RC3H2: variants seen among roughly 807,000 people sequenced by gnomAD.
RC3H2 encodes the protein roquin-2.
Under a neutral mutation model 133.3 loss-of-function variants are expected in RC3H2, and 31 were observed. The observed-to-expected ratio is 0.23, with a 90% confidence interval of 0.17 to 0.31. RC3H2 has a LOEUF of 0.31. Among genes scored for constraint, RC3H2 ranks in the 10% least tolerant of loss-of-function variants. The pLI is 1.00. For missense variants in RC3H2, 1,175 were observed against 1,437.2 expected (o/e 0.82, Z 2.95); for synonymous variants, 517 against 502.2 (o/e 1.03, Z -0.40).
Position 122,883,382 on chromosome 9 carries a change from A to G in RC3H2, c.584-3T>C. ...CTTCAAGGCCTCTTCTTGCATAGCT[A>G]AAAATATTAAAGGAACATGAGTTCA... On this transcript the variant is annotated splice_region_variant and splice_polypyrimidine_tract_variant and intron_variant, in intron 4 of 20. Coordinates refer to ENST00000357244, the MANE Select transcript of RC3H2 (RefSeq NM_001100588.3). 1 of 1,589,982 alleles carries G rather than the reference A, an allele frequency of 6.3e-7. No homozygotes were observed. The highest frequency in any genetic ancestry group is 8.5e-7 in the Non-Finnish European group (1 of 1,171,822).
chr9:122,860,686 T>C (rs1050300393), intron 10 of RC3H2, among the ~76,000 whole-genome samples: 29 of 151,874 alleles, frequency 1.9e-4, no homozygotes, highest in South Asian at 1.0e-3. Context: ...AGTGCTGGCA[T>C]TACAGGCATC....
chr9:122,890,437 C>T lies in RC3H2; in HGVS notation c.458G>A (p.Arg153Gln). 1 of 1,614,156 alleles carries T rather than the reference C, an allele frequency of 6.2e-7. No homozygotes were observed. Among genetic ancestry groups the T allele is most frequent in the Non-Finnish European group, 8.5e-7 (1 of 1,180,014 alleles). ...VEEEGRVRAM[R>Q]AARSLGERTV... ...TCTTTCTCCAAGGGAACGAGCTGCTCGCATGGCTCTTACACGACCTTCTTC... is the reference window on the plus strand; with the variant it reads ...TCTTTCTCCAAGGGAACGAGCTGCTTGCATGGCTCTTACACGACCTTCTTC... Residue 153 changes from arginine (R) to glutamine (Q), a missense_variant, in exon 4 of 21, where the codon CGA (arginine) becomes CAA (glutamine). Physicochemically the swap from Arg to Gln is conservative, Grantham distance 43. Coordinates refer to ENST00000357244, the MANE Select transcript of RC3H2 (RefSeq NM_001100588.3).
At chr9:122,884,130 T>C (rs192237563) in intron 4 of RC3H2, among the ~76,000 whole-genome samples, 1,737 of 152,078 alleles carry the variant, frequency 0.011, 93 homozygotes, top group Admixed American at 0.092. Flanking sequence ...CCGCCTCTAC[T>C]AAAAATACAA....
chr9:122,899,088 GTGTTTTT>G (rs1832547363), intron 1 of RC3H2, among the ~76,000 whole-genome samples: 1 of 27,314 alleles, frequency 3.7e-5, no homozygotes, highest in East Asian at 6.7e-4. Context: ...AGCCTTTATT[GTGTTTTT>G]TTTTTTTTTT....
At chr9:122,871,689 ACT>A (rs1406970040) in intron 9 of RC3H2, among the ~76,000 whole-genome samples, 1 of 143,484 alleles carries the variant, frequency 7.0e-6, no homozygotes, top group African/African-American at 2.6e-5. Flanking sequence ...TTTCTCAATC[ACT>A]CTTTTTCTCC....
chr9:122,865,944 A>C (rs1830629561), intron 9 of RC3H2, among the ~76,000 whole-genome samples: 2 of 152,184 alleles, frequency 1.3e-5, no homozygotes, highest in Non-Finnish European at 2.9e-5. Context: ...AATGTATTCA[A>C]AAAAACCTTT....
At chr9:122,868,839 A>G (rs201791439) in intron 9 of RC3H2, among the ~76,000 whole-genome samples, 52 of 118,936 alleles carry the variant, frequency 4.4e-4, no homozygotes, top group East Asian at 1.4e-3. Flanking sequence ...TCCCTCCTAT[A>G]TGTGTGTGTG....
At chr9:122,850,001 G>C (rs1829961062) in intron 20 of RC3H2, among the ~76,000 whole-genome samples, 179 bp from the exon 21 acceptor site, 1 of 152,162 alleles carries the variant, frequency 6.6e-6, no homozygotes, top group Admixed American at 6.5e-5. Flanking sequence ...TTTTGAGACA[G>C]AGTCTCCCTC....
chr9:122,877,338 CT>C (rs1831384668), intron 9 of RC3H2, 132 bp downstream of exon 9: 1 of 680,506 alleles, frequency 1.5e-6, no homozygotes, highest in African/African-American at 1.8e-5. Flanking sequence ...ACTGCTGGGA[CT>C]ACAGGCATGA....
At chr9:122,861,336 C>T (rs919178206) in intron 10 of RC3H2, among the ~76,000 whole-genome samples, 4 of 151,624 alleles carry the variant, frequency 2.6e-5, no homozygotes, top group African/African-American at 9.7e-5. Flanking sequence ...ACTAAAAATA[C>T]AAAATTAGCC....
chr9:122,851,963 C>T (rs1830041471), intron 18 of RC3H2, among the ~76,000 whole-genome samples: 1 of 148,236 alleles, frequency 6.7e-6, no homozygotes, highest in Non-Finnish European at 1.5e-5. Flanking sequence ...CGCCCATCGT[C>T]TGGGATGTGA....
At chr9:122,873,398 C>T (rs2131438709) in intron 9 of RC3H2, among the ~76,000 whole-genome samples, 1 of 152,200 alleles carries the variant, frequency 6.6e-6, no homozygotes, top group Non-Finnish European at 1.5e-5. Flanking sequence ...CAGGTGTTTT[C>T]TAGATGCAGG....
At chr9:122,859,822 A>T in intron 11 of RC3H2, 95 bp downstream of exon 11, 1 of 1,054,206 alleles carries the variant, frequency 9.5e-7, no homozygotes, top group Non-Finnish European at 1.4e-6. Flanking sequence ...CAAAAGGATT[A>T]ATTTTTTTAA....
intron 9 of RC3H2, among the ~76,000 whole-genome samples, chr9:122,866,848 G>A (rs1440088726): frequency 6.6e-6 from 1 of 151,892 alleles, no homozygotes; most frequent in East Asian, 1.9e-4. Flanking sequence ...AGTGAGGAGC[G>A]TCTCTGCCTG....
rs180758038 is a variant in RC3H2 at position 122,898,252 on chromosome 9, T to G, written c.-67-676A>C. 5.9e-5 allele frequency: 9 copies of G among 152,336 alleles called. No individual in the cohort carries two copies. In the East Asian group the frequency reaches 1.7e-3, roughly 29 times the overall value. 9.4% of individuals were successfully genotyped at this position (152,336 alleles called of 1,614,324 possible). On this transcript the variant is annotated intron_variant, in intron 1 of 20. Coordinates refer to ENST00000357244, the MANE Select transcript of RC3H2 (RefSeq NM_001100588.3). ...GTGCCAAAGTAAAACAAAAAAATTG[T>G]CTTAAATATCTTGTATTGTTCAATA...
At position 122,855,884 on chromosome 9, in the gene RC3H2, TAAAA is replaced by T; in HGVS notation, c.2455-10_2455-7del. On this transcript the variant is annotated splice_region_variant and splice_polypyrimidine_tract_variant and intron_variant, in intron 13 of 20. Transcript: ENST00000357244. Reference sequence around the variant, plus strand: ...CCACTCACACTCTCTGAGAACTGGTTAAAAAAAAATAAATAAAGCCAATTAGTAA... The same window carrying T: ...CCACTCACACTCTCTGAGAACTGGTTAAAAATAAATAAAGCCAATTAGTAA... 3 of 1,575,992 alleles carry T rather than the reference TAAAA, an allele frequency of 1.9e-6. No individual in the cohort carries two copies. Among genetic ancestry groups the T allele is most frequent in the Non-Finnish European group, 2.6e-6 (3 of 1,160,648 alleles).
At chr9:122,851,504 G>C in intron 18 of RC3H2, 68 bp from the exon 19 acceptor site, 3 of 1,554,332 alleles carry the variant, frequency 1.9e-6, no homozygotes, top group East Asian at 4.6e-5. Flanking sequence ...TCTCCCCATG[G>C]TCTCCCTCTC....
At chr9:122,876,337 T>C (rs1831334505) in intron 9 of RC3H2, among the ~76,000 whole-genome samples, 2 of 152,020 alleles carry the variant, frequency 1.3e-5, no homozygotes, top group African/African-American at 2.4e-5. Context: ...CACAAAGAGT[T>C]GATAGACAGG....
At chr9:122,854,693 T>C in intron 15 of RC3H2, 78 bp from the exon 16 acceptor site, 1 of 923,004 alleles carries the variant, frequency 1.1e-6, no homozygotes, top group East Asian at 2.4e-5. Context: ...CTTCTCAAAA[T>C]AGATCTGTAT....
Sources: gnomAD v4.1 joint callset for allele counts (sites outside exome capture counted in the v4.1 genomes callset) on GRCh38, gnomAD v4.1.1 for gene constraint, MANE v1.5 for transcripts, NCBI Gene and HGNC (gene_info 2026-07-23, HGNC 2026-07-21) for gene names.